The following GCC2 variants were observed in gnomAD, a reference collection of about 807,000 sequenced individuals.
GCC2 encodes the protein GRIP and coiled-coil domain-containing protein 2.
Under a neutral mutation model 210.6 loss-of-function variants are expected in GCC2, and 120 were observed. That is an observed-to-expected ratio of 0.57 (90% confidence interval 0.49 to 0.66). The LOEUF (loss-of-function observed/expected upper bound fraction) is 0.66. Ranked by LOEUF, GCC2 falls within the 30% of genes least tolerant of loss-of-function variation. The probability of loss-of-function intolerance (pLI) is 0.00; values close to 1 mark genes in which losing one functional copy is unlikely to be tolerated. For synonymous variants in GCC2, 703 were observed against 652.7 expected (o/e 1.08, Z -1.17); for missense variants, 1,868 against 1,871.9 (o/e 1.00, Z 0.04).
At chr2:108,499,279 G>A (rs1157405282) in intron 21 of GCC2, among the ~76,000 whole-genome samples, 2 of 151,998 alleles carry the variant, frequency 1.3e-5, no homozygotes, top group Non-Finnish European at 1.5e-5. Flanking sequence ...TGGTTCATAC[G>A]CAGCAATCCA....
chr2:108,449,757 A>T, intron 2 of GCC2, 68 bp downstream of exon 2: 2 of 1,173,888 alleles, frequency 1.7e-6, no homozygotes, highest in Admixed American at 1.9e-5. Flanking sequence ...AAACTTTGGC[A>T]TGGGGAAGGG....
intron 9 of GCC2, among the ~76,000 whole-genome samples, chr2:108,480,577 A>T (rs1681799682): frequency 6.6e-6 from 1 of 152,222 alleles, no homozygotes; most frequent in Admixed American, 6.5e-5. Flanking sequence ...CCATAAAAAA[A>T]ATATGAGATT....
At chr2:108,493,375 A>G in intron 19 of GCC2, 3 of 950,118 alleles carry the variant, frequency 3.2e-6, no homozygotes, top group Non-Finnish European at 3.8e-6. Context: ...GGCATGAGCC[A>G]CTGCGCCTGG....
At position 108,501,541 on chromosome 2, in the gene GCC2, T is replaced by A. The variant is rs181052404; in HGVS notation, c.4984+1787T>A. ...TCAAGAGGCCCAGAATGTCCAGACA[T>A]CTTACTTTTGCCTGATTGACCTTAT... On this transcript the variant is annotated intron_variant, in intron 22 of 22. Coordinates refer to ENST00000309863, the MANE Select transcript of GCC2 (RefSeq NM_181453.4). Among the ~76,000 whole-genome samples, 799 of 152,152 alleles carry A rather than the reference T, an allele frequency of 5.3e-3. 1 individual carries two copies. The highest frequency in any genetic ancestry group is 0.031 in the Middle Eastern group (9 of 294).
At chr2:108,493,822 C>T in intron 19 of GCC2, 4 of 985,342 alleles carry the variant, frequency 4.1e-6, no homozygotes, top group Non-Finnish European at 3.6e-6. Context: ...AAAGGTCGCA[C>T]AAGAGATTGT....
intron 9 of GCC2, among the ~76,000 whole-genome samples, chr2:108,480,260 C>G (rs963212778): frequency 6.6e-6 from 1 of 152,140 alleles, no homozygotes; most frequent in Admixed American, 6.6e-5. Flanking sequence ...AAAAAAATAA[C>G]AGGTGCTGGT....
chr2:108,498,096 T>G (rs1682733233), intron 21 of GCC2, among the ~76,000 whole-genome samples: 1 of 151,800 alleles, frequency 6.6e-6, no homozygotes, highest in Non-Finnish European at 1.5e-5. Flanking sequence ...TAAAATAACA[T>G]TTTCTGACTA....
At position 108,484,232 on chromosome 2, in the gene GCC2, T is replaced by C. The variant is rs1276083510; in HGVS notation, c.3534T>C (p.Asn1178=). The change falls in exon 13 of 23, where the codon AAT becomes AAC. Residue 1178 remains asparagine (N), a synonymous_variant. Transcript: ENST00000309863. ...AAGAACTAAATCAAAAGTTAACTAA[T>C]AAAAACAACAAGATAGAAGATTTGG... ...LMKELNQKLT[N]KNNKIEDLEQ... is the part of the protein sequence containing the mutation. The C allele has an allele frequency of 6.3e-7, 1 of 1,580,530 alleles. No individual in the cohort carries two copies. Among genetic ancestry groups the C allele is most frequent in the Non-Finnish European group, 8.6e-7 (1 of 1,160,592 alleles).
rs964071112 is a variant in GCC2 at position 108,471,777 on chromosome 2, G to T, written c.2448G>T (p.Lys816Asn). Reference protein sequence around the residue: ...EKVLELEKEIKCLQEESVVQC... With the variant: ...EKVLELEKEINCLQEESVVQC... ...TATTAGAGTTAGAAAAAGAGATTAA[G>T]TGCCTTCAAGAAGAGAGTGTAGTTC... Residue 816 changes from lysine (K) to asparagine (N), a missense_variant, in exon 6 of 23, where the codon AAG (lysine) becomes AAT (asparagine). Transcript: ENST00000309863. 3.1e-6 allele frequency: 5 copies of T among 1,613,232 alleles called. No individual in the cohort carries two copies. The Admixed American group carries it at 6.7e-5, about 22-fold the overall frequency.
intron 11 of GCC2, among the ~76,000 whole-genome samples, chr2:108,482,656 G>T (rs896380729): frequency 6.6e-6 from 1 of 152,118 alleles, no homozygotes; most frequent in African/African-American, 2.4e-5. Flanking sequence ...CAAACTTTTT[G>T]TATTTTAGCG....
intron 4 of GCC2, 70 bp downstream of exon 4, chr2:108,452,536 C>A: frequency 1.1e-6 from 1 of 907,740 alleles, no homozygotes. Context: ...CTGCTAGAGG[C>A]TATCTGGCTT....
At chr2:108,479,266 A>C (rs2104470134) in intron 9 of GCC2, among the ~76,000 whole-genome samples, 1 of 152,342 alleles carries the variant, frequency 6.6e-6, no homozygotes, top group Non-Finnish European at 1.5e-5. Flanking sequence ...AGATTGTAAC[A>C]GTCAGCCACC....
At chr2:108,490,103 C>T in intron 18 of GCC2, 89 bp downstream of exon 18, 1 of 919,542 alleles carries the variant, frequency 1.1e-6, no homozygotes, top group Non-Finnish European at 1.5e-6. Flanking sequence ...GAGATAAATG[C>T]AGATTAGAAA....
rs761384692 is a variant in GCC2 at position 108,471,590 on chromosome 2, T to C, written c.2261T>C (p.Phe754Ser). 1.2e-6 allele frequency: 2 copies of C among 1,612,202 alleles called. No homozygotes were observed. Among genetic ancestry groups the C allele is most frequent in the Admixed American group, 3.3e-5 (2 of 59,724 alleles). ...GAAAATGAGCAAGTTCAGAAGTTAT[T>C]TGTTAAAACTCAGTTGTATGGTTTT... ...LLENEQVQKL[F>S]VKTQLYGFLK... The change falls in exon 6 of 23, where the codon TTT becomes TCT. Residue 754 changes from phenylalanine (F) to serine (S), a missense_variant. Phe to Ser is a radical substitution (Grantham distance 155). This residue lies in a region of GCC2 where 1,847 missense variants were observed against 1,765.2 expected (regional missense o/e 1.05). Transcript: ENST00000309863.
intron 4 of GCC2, among the ~76,000 whole-genome samples, chr2:108,467,962 A>AT (rs1461476251): frequency 2.0e-5 from 3 of 151,896 alleles, no homozygotes; most frequent in Non-Finnish European, 2.9e-5. Flanking sequence ...TGCTTCTTAA[A>AT]TTTTTTGTGA....
rs1682103611 is a variant in GCC2, at chr2:108,485,661, A to G, written c.3639A>G (p.Gln1213=). The change falls in exon 14 of 23, where the codon CAA becomes CAG. Residue 1213 remains glutamine (Q), a synonymous_variant. Coordinates refer to ENST00000309863, the MANE Select transcript of GCC2 (RefSeq NM_181453.4). ...EITSLQSSVQ[Q]YEEKNTKIKQ... Reference sequence around the variant, plus strand: ...CTTCATTACAGTCTTCAGTACAACAATATGAAGAAAAAAACACCAAAATCA... The same window carrying G: ...CTTCATTACAGTCTTCAGTACAACAGTATGAAGAAAAAAACACCAAAATCA... The G allele has an allele frequency of 3.2e-6, 5 of 1,585,040 alleles. No homozygotes were observed. Among genetic ancestry groups the G allele is most frequent in the Admixed American group, 1.8e-5 (1 of 54,596 alleles).
At chr2:108,500,289 C>T (rs1390753034) in intron 22 of GCC2, among the ~76,000 whole-genome samples, 4 of 152,068 alleles carry the variant, frequency 2.6e-5, no homozygotes, top group African/African-American at 4.8e-5. Flanking sequence ...CCGAGGCAGG[C>T]GGATCACAAG....
rs753720595 is a variant in GCC2 at position 108,497,161 on chromosome 2, AC to A, written c.4782+55del. 3 of 1,611,114 alleles carry A rather than the reference AC, an allele frequency of 1.9e-6. No homozygotes were observed. The Admixed American group carries it at 5.0e-5, about 27-fold the overall frequency. On this transcript the variant is annotated intron_variant, in intron 21 of 22. Coordinates refer to ENST00000309863, the MANE Select transcript of GCC2 (RefSeq NM_181453.4). The stretch of plus-strand genomic sequence containing the variant: ...GAAAACCGCCAGTTTGGTTTTCTTG[AC>A]CCTCCATACACATGCACGATCTCAG...
chr2:108,480,186 C>G (rs1235808196), intron 9 of GCC2, among the ~76,000 whole-genome samples: 2 of 152,024 alleles, frequency 1.3e-5, no homozygotes, highest in Admixed American at 1.3e-4. Context: ...AAACAGTGTG[C>G]TAGCAATAAA....
Sources: gnomAD v4.1 joint callset for allele counts (sites outside exome capture counted in the v4.1 genomes callset) on GRCh38, gnomAD v4.1.1 for gene constraint, gnomAD v4.1.1 regional missense constraint, MANE v1.5 for transcripts, NCBI Gene and HGNC (gene_info 2026-07-23, HGNC 2026-07-21) for gene names.